The following SGSM1 variants were observed in gnomAD, a reference collection of about 807,000 sequenced individuals.
The protein encoded by SGSM1 is small G protein signaling modulator 1.
Under a neutral mutation model 133.8 loss-of-function variants are expected in SGSM1, and 73 were observed. That is an observed-to-expected ratio of 0.55 (90% CI 0.45 to 0.66). The LOEUF (loss-of-function observed/expected upper bound fraction) is 0.66, where lower values mean the gene tolerates loss of function less well. SGSM1 is among the 30% of genes least tolerant of loss of function. The probability of loss-of-function intolerance (pLI) is 0.00; values close to 1 mark genes in which losing one functional copy is unlikely to be tolerated. For synonymous variants in SGSM1, 563 were observed against 573.0 expected (o/e 0.98, Z 0.25); for missense variants, 1,213 against 1,448.1 (o/e 0.84, Z 2.64).
chr22:24,826,519 C>T (rs1016855719), intron 2 of SGSM1, among the ~76,000 whole-genome samples: 3 of 152,190 alleles, frequency 2.0e-5, no homozygotes, highest in African/African-American at 7.2e-5. Context: ...GTCCGATTAT[C>T]GTCAGCATTT....
chr22:24,850,457 G>T, intron 5 of SGSM1, 25 bp downstream of exon 5: 1 of 1,610,604 alleles, frequency 6.2e-7, no homozygotes, highest in South Asian at 1.1e-5. Flanking sequence ...CCTGACACCT[G>T]GCCATGCTCT....
chr22:24,847,768 C>A lies in SGSM1; in HGVS notation c.274C>A (p.Gln92Lys), dbSNP rs762105510. 1 of 1,613,930 alleles carries A rather than the reference C, an allele frequency of 6.2e-7. No individual in the cohort carries two copies. The highest frequency in any genetic ancestry group is 2.2e-5 in the East Asian group (1 of 44,886). Residue 92 changes from glutamine to lysine, a missense_variant, in exon 4 of 25, where the codon CAA becomes AAA. By Grantham distance (53) the Gln-to-Lys change is moderately conservative (BLOSUM62 1). Transcript: ENST00000400358. Reference protein sequence around the residue: ...PPAEDLSRKVQDLEQLIESAR... With the variant: ...PPAEDLSRKVKDLEQLIESAR... ...GGCTGAGGATCTGAGCCGCAAGGTG[C>A]AAGACCTGGAGCAGCTGATCGAGAG...
chr22:24,868,011 C>G (rs944566971), intron 10 of SGSM1, among the ~76,000 whole-genome samples: 1 of 152,128 alleles, frequency 6.6e-6, no homozygotes, highest in Non-Finnish European at 1.5e-5. Flanking sequence ...CAGCTACTGC[C>G]CCGAGACAGG....
At chr22:24,846,812 C>T (rs1191280684) in intron 3 of SGSM1, among the ~76,000 whole-genome samples, 1 of 151,470 alleles carries the variant, frequency 6.6e-6, no homozygotes, top group Non-Finnish European at 1.5e-5. Flanking sequence ...GCAGATTAGG[C>T]AATATTTGTT....
At chr22:24,814,516 G>A (rs902880927) in intron 2 of SGSM1, among the ~76,000 whole-genome samples, 13 of 146,702 alleles carry the variant, frequency 8.9e-5, no homozygotes, top group African/African-American at 3.3e-4. Flanking sequence ...AATCCACACA[G>A]GGTTCCAAGC....
chr22:24,912,832 T>C lies in SGSM1; in HGVS notation c.2928+80T>C, dbSNP rs56349334. On this transcript the variant is annotated intron_variant, in intron 22 of 24. Transcript: ENST00000400358. ...GCTTAGTGGCTCCAGACTGAGCTAT[T>C]TAGAGCCCACCTGGATTGGAATCCA... The C allele has an allele frequency of 1.9e-3, 1,721 of 919,986 alleles. 5 individuals carry two copies. The highest frequency in any genetic ancestry group is 2.5e-3 in the Non-Finnish European group (1,448 of 584,658). The allele number at this position is 919,986 out of a possible 1,614,324, so 57.0% of individuals were successfully genotyped here.
At chr22:24,822,745 G>A (rs1750269046) in intron 2 of SGSM1, among the ~76,000 whole-genome samples, 1 of 152,176 alleles carries the variant, frequency 6.6e-6, no homozygotes. Context: ...GAGGGCTAAG[G>A]GAGCAGGTGC....
At chr22:24,903,981 GAA>G (rs200526574) in intron 20 of SGSM1, among the ~76,000 whole-genome samples, 9,251 of 61,822 alleles carry the variant, frequency 0.15, 408 homozygotes, top group Admixed American at 0.27. Flanking sequence ...TCAACAAAAA[GAA>G]AAAAAAAAAA....
chr22:24,905,325 A>C, intron 21 of SGSM1, 138 bp downstream of exon 21: 2 of 809,122 alleles, frequency 2.5e-6, no homozygotes, highest in Non-Finnish European at 4.2e-6. Flanking sequence ...TGAACACATC[A>C]AGATCCTAGT....
intron 11 of SGSM1, 84 bp downstream of exon 11, chr22:24,868,623 G>A: frequency 6.2e-7 from 1 of 1,610,458 alleles, no homozygotes; most frequent in African/African-American, 1.3e-5. Context: ...CCCTTATGTG[G>A]CTATGTGGCC....
At chr22:24,847,374 G>A (rs1175391725) in intron 3 of SGSM1, among the ~76,000 whole-genome samples, 2 of 152,134 alleles carry the variant, frequency 1.3e-5, no homozygotes, top group Admixed American at 6.6e-5. Flanking sequence ...TTTGTCACAA[G>A]AATTAGGAAA....
chr22:24,845,385 G>A (rs1451898545), intron 3 of SGSM1, among the ~76,000 whole-genome samples: 1 of 152,168 alleles, frequency 6.6e-6, no homozygotes, highest in African/African-American at 2.4e-5. Flanking sequence ...ATCTGGCTCA[G>A]CAAAGAAGGC....
intron 5 of SGSM1, among the ~76,000 whole-genome samples, chr22:24,852,983 T>C (rs1930570263): frequency 6.6e-6 from 1 of 152,198 alleles, no homozygotes; most frequent in South Asian, 2.1e-4. Context: ...GGGGTAAGAT[T>C]ACGATGATGT....
At chr22:24,882,375 T>A (rs1391405322) in intron 14 of SGSM1, among the ~76,000 whole-genome samples, 1 of 152,138 alleles carries the variant, frequency 6.6e-6, no homozygotes, top group Non-Finnish European at 1.5e-5. Flanking sequence ...CCGCCCTGTT[T>A]TTTATTTATT....
intron 2 of SGSM1, among the ~76,000 whole-genome samples, chr22:24,824,904 G>A (rs1315448658): frequency 6.6e-6 from 1 of 152,246 alleles, no homozygotes; most frequent in Non-Finnish European, 1.5e-5. Context: ...TCCCTGGACT[G>A]TAAGGCTTGC....
Position 24,875,596 on chromosome 22 carries a change from C to T in SGSM1, c.1292-981C>T, listed in dbSNP as rs117087655. 6.9e-3 allele frequency among the ~76,000 whole-genome samples: 1,043 copies of T among 150,272 alleles called. 25 individuals carry two copies. In the East Asian group the frequency reaches 0.086, roughly 12 times the overall value. On this transcript the variant is annotated intron_variant, in intron 12 of 24. Transcript: ENST00000400358. ...CGGAGCTTGCAGTGAGCCAAGACCA[C>T]GCCACTGCACTCCAGCCTGGGCAAT...
rs114223387 is a variant in SGSM1, at chr22:24,863,511, C to T, written c.927-3582C>T. Among the ~76,000 whole-genome samples the T allele has an allele frequency of 2.3e-3, 353 of 152,180 alleles. 2 individuals are homozygous for T. Among genetic ancestry groups the T allele is most frequent in the African/African-American group, 8.0e-3 (332 of 41,526 alleles). ...TGAATCAGAACTTCTAAGGTCACTGCCCAGGAGCTGGGGCATCTCTAGCCC... is the reference window on the plus strand; with the variant it reads ...TGAATCAGAACTTCTAAGGTCACTGTCCAGGAGCTGGGGCATCTCTAGCCC... On this transcript the variant is annotated intron_variant, in intron 9 of 24. Coordinates refer to ENST00000400358, the MANE Select transcript of SGSM1 (RefSeq NM_001098497.3).
chr22:24,848,563 C>A (rs1930281622), intron 4 of SGSM1, among the ~76,000 whole-genome samples: 1 of 152,202 alleles, frequency 6.6e-6, no homozygotes, highest in South Asian at 2.1e-4. Context: ...CAGAGCCACT[C>A]CCTGGGAGGT....
At chr22:24,820,103 G>A (rs971009517) in intron 2 of SGSM1, among the ~76,000 whole-genome samples, 3 of 152,142 alleles carry the variant, frequency 2.0e-5, no homozygotes, top group South Asian at 2.1e-4. Flanking sequence ...AATGGAAAAC[G>A]TGCAGGCTGG....
Sources: allele counts gnomAD v4.1 joint callset (sites outside exome capture counted in the v4.1 genomes callset), GRCh38; gene constraint gnomAD v4.1.1; transcripts MANE v1.5; gene names NCBI Gene and HGNC (gene_info 2026-07-23, HGNC 2026-07-21).